The following KIF6 variants were observed in gnomAD, a reference collection of about 807,000 sequenced individuals.
The protein encoded by KIF6 is kinesin family member 6, also known as kinesin-like protein KIF6.
In KIF6, 106 loss-of-function variants were observed where a neutral mutation model predicts 112.7. The observed-to-expected ratio is 0.94, with a 90% CI of 0.80 to 1.11. The LOEUF (loss-of-function observed/expected upper bound fraction) is 1.11. KIF6 is among the 50% of genes least tolerant of loss of function. The pLI is 0.00. For missense variants in KIF6, 929 were observed against 964.0 expected (o/e 0.96, Z 0.48); for synonymous variants, 339 against 339.9 (o/e 1.00, Z 0.03).
intron 15 of KIF6, among the ~76,000 whole-genome samples, chr6:39,400,480 G>T (rs1163409416): frequency 3.3e-5 from 5 of 152,224 alleles, no homozygotes; most frequent in Non-Finnish European, 7.3e-5. Flanking sequence ...GCCAGGCCTT[G>T]TGGGCTCCAA....
intron 13 of KIF6, among the ~76,000 whole-genome samples, chr6:39,509,249 T>C (rs940127613): frequency 4.6e-5 from 7 of 151,980 alleles, no homozygotes; most frequent in Admixed American, 6.5e-5. Flanking sequence ...AGACCAAAGG[T>C]AGATAAAACC....
At chr6:39,464,087 G>A (rs1562240193) in intron 13 of KIF6, among the ~76,000 whole-genome samples, 1 of 152,220 alleles carries the variant, frequency 6.6e-6, no homozygotes, top group Non-Finnish European at 1.5e-5. Flanking sequence ...GCAGGGGCCA[G>A]GATGGGTGGT....
chr6:39,546,459 C>T (rs1779074069), intron 10 of KIF6, among the ~76,000 whole-genome samples: 1 of 152,100 alleles, frequency 6.6e-6, no homozygotes, highest in Non-Finnish European at 1.5e-5. Context: ...TGTTGTTTTT[C>T]CTATCCTAAA....
intron 13 of KIF6, among the ~76,000 whole-genome samples, chr6:39,512,372 G>A (rs972356032): frequency 6.6e-6 from 1 of 152,110 alleles, no homozygotes; most frequent in Non-Finnish European, 1.5e-5. Flanking sequence ...GGTATTTCCG[G>A]GTTTTCTGAA....
intron 14 of KIF6, among the ~76,000 whole-genome samples, chr6:39,422,504 C>G (rs760266026): frequency 6.6e-6 from 1 of 152,190 alleles, no homozygotes; most frequent in Non-Finnish European, 1.5e-5. Flanking sequence ...ACCATTTTCC[C>G]GTCACTCTGG....
At position 39,583,394 on chromosome 6, in the gene KIF6, C is replaced by G. The variant is rs538422137; in HGVS notation, c.1077+1504G>C. ...GCAGGAACACTGTGTGATGCTGATA[C>G]CTGACCAGGGCCTTTGCTGAAACAG... is the stretch of plus-strand genomic sequence containing the variant. On this transcript the variant is annotated intron_variant, in intron 9 of 22. Coordinates refer to ENST00000287152, the MANE Select transcript of KIF6 (RefSeq NM_145027.6). 180 of 471,432 alleles carry G rather than the reference C, an allele frequency of 3.8e-4. 3 individuals carry two copies. The highest frequency in any genetic ancestry group is 2.7e-3 in the South Asian group (176 of 64,562). The allele number at this position is 471,432 out of a possible 1,614,324, so 29.2% of individuals were successfully genotyped here.
chr6:39,606,236 G>A (rs62403321), intron 6 of KIF6, among the ~76,000 whole-genome samples: 11,664 of 150,370 alleles, frequency 0.078, 520 homozygotes, highest in South Asian at 0.17. Flanking sequence ...TTTATTTTCT[G>A]AAGTTTTTCA....
At chr6:39,346,637 C>T (rs1763830117) in intron 19 of KIF6, 111 bp from the exon 20 acceptor site, 1 of 546,846 alleles carries the variant, frequency 1.8e-6, no homozygotes. Flanking sequence ...ATGGTTTACA[C>T]AGTAATTTTC....
chr6:39,557,207 T>C (rs1561807695), intron 10 of KIF6, among the ~76,000 whole-genome samples: 1 of 152,118 alleles, frequency 6.6e-6, no homozygotes, highest in African/African-American at 2.4e-5. Context: ...TTCCATTTGA[T>C]AAAAAATAAT....
Position 39,343,034 on chromosome 6 carries a change from G to C in KIF6, c.2428+675C>G, listed in dbSNP as rs1457934780. 4 of 985,438 alleles carry C rather than the reference G, an allele frequency of 4.1e-6. No individual in the cohort carries two copies. Among genetic ancestry groups the C allele is most frequent in the Non-Finnish European group, 4.8e-6 (4 of 829,934 alleles). The allele number at this position is 985,438 out of a possible 1,614,324, so 61.0% of individuals were successfully genotyped here. Reference sequence around the variant, plus strand: ...GGAGGCTAAGACAAAATGCAGGCCTGGGGTAAGGGGCCCTGGGGCTTGCCC... The same window carrying C: ...GGAGGCTAAGACAAAATGCAGGCCTCGGGTAAGGGGCCCTGGGGCTTGCCC... On this transcript the variant is annotated intron_variant, in intron 22 of 22. Coordinates refer to ENST00000287152, the MANE Select transcript of KIF6 (RefSeq NM_145027.6). This position sits in a 1 kb window ranked among gnomAD's most constrained non-coding sequence, Gnocchi z 4.1.
intron 13 of KIF6, among the ~76,000 whole-genome samples, chr6:39,476,286 G>A (rs1054210869): frequency 6.6e-6 from 1 of 151,706 alleles, no homozygotes; most frequent in African/African-American, 2.4e-5. Flanking sequence ...CTTAACAGTT[G>A]CTCCCATCCT....
intron 13 of KIF6, among the ~76,000 whole-genome samples, chr6:39,518,283 CTA>C (rs1777186209): frequency 6.6e-6 from 1 of 152,088 alleles, no homozygotes; most frequent in African/African-American, 2.4e-5. Flanking sequence ...GCTGTGTGGA[CTA>C]TGTGAGCTCT....
At chr6:39,515,614 G>A (rs1286538011) in intron 13 of KIF6, among the ~76,000 whole-genome samples, 3 of 152,108 alleles carry the variant, frequency 2.0e-5, no homozygotes, top group Non-Finnish European at 4.4e-5. Context: ...CTCTTATATA[G>A]TATGTCTGGT....
intron 13 of KIF6, among the ~76,000 whole-genome samples, chr6:39,493,106 T>G (rs78952656): frequency 0.014 from 2,199 of 152,270 alleles, 38 homozygotes; most frequent in East Asian, 0.076. Flanking sequence ...CTTACACCTT[T>G]CCTCCTTCTA....
intron 16 of KIF6, among the ~76,000 whole-genome samples, chr6:39,365,520 G>A (rs561033874): frequency 3.3e-5 from 5 of 152,140 alleles, no homozygotes; most frequent in African/African-American, 1.2e-4. Context: ...TCAGTGCCTC[G>A]CATGTTTGCT....
chr6:39,512,121 G>A (rs1214209352), intron 13 of KIF6, among the ~76,000 whole-genome samples: 1 of 152,106 alleles, frequency 6.6e-6, no homozygotes, highest in African/African-American at 2.4e-5. Flanking sequence ...ATTGATAACC[G>A]ATGGACTACA....
At chr6:39,634,819 C>T (rs1223586419) in intron 5 of KIF6, 30 bp downstream of exon 5, 6 of 1,216,050 alleles carry the variant, frequency 4.9e-6, no homozygotes, top group Non-Finnish European at 6.1e-6. Context: ...AAAGTAATTT[C>T]CCTCCATTCT....
chr6:39,443,163 T>TA (rs1562221602), intron 13 of KIF6, among the ~76,000 whole-genome samples: 83 of 128,556 alleles, frequency 6.5e-4, no homozygotes, highest in African/African-American at 2.2e-3. Context: ...TAATAATAAA[T>TA]AAAAATAAAA....
At chr6:39,468,544 CA>C in intron 13 of KIF6, among the ~76,000 whole-genome samples, 2 of 152,088 alleles carry the variant, frequency 1.3e-5, no homozygotes, top group East Asian at 3.9e-4. Flanking sequence ...TGATGAAGGC[CA>C]GAAGCCAATG....
Sources: allele counts gnomAD v4.1 joint callset (sites outside exome capture counted in the v4.1 genomes callset), GRCh38; gene constraint gnomAD v4.1.1; non-coding constraint Gnocchi (gnomAD v3.1); transcripts MANE v1.5; gene names NCBI Gene and HGNC (gene_info 2026-07-23, HGNC 2026-07-21).